Variants in GRIA3 observed in about 807,000 individuals in gnomAD.
GRIA3 encodes the protein glutamate receptor 3.
Under a neutral mutation model 63.0 loss-of-function variants are expected in GRIA3, and 3 were observed. That is an observed-to-expected ratio of 0.05 (90% CI 0.02 to 0.12). GRIA3 has a LOEUF of 0.12. Among genes scored for constraint, GRIA3 ranks in the 10% least tolerant of loss-of-function variants. The pLI, the probability that GRIA3 is intolerant of heterozygous loss-of-function variation, is 1.00. For synonymous variants in GRIA3, 274 were observed against 257.9 expected (o/e 1.06, Z -0.60); for missense variants, 347 against 700.9 (o/e 0.50, Z 5.70).
At chrX:123,479,053 G>A (rs939731925) in intron 13 of GRIA3, among the ~76,000 whole-genome samples, 3 of 113,077 alleles carry the variant, frequency 2.7e-5, no homozygotes, top group African/African-American at 9.6e-5. Flanking sequence ...CTTGCCCAGT[G>A]GCTCTGAATG....
intron 12 of GRIA3, among the ~76,000 whole-genome samples, chrX:123,449,039 A>G (rs1295592283): frequency 8.9e-6 from 1 of 112,079 alleles, no homozygotes; most frequent in East Asian, 2.8e-4. Flanking sequence ...CACAGTTAAT[A>G]AGTACCTAAA....
intron 4 of GRIA3, among the ~76,000 whole-genome samples, chrX:123,338,659 T>A (rs760949859): frequency 1.4e-3 from 152 of 111,986 alleles, no homozygotes; most frequent in Non-Finnish European, 2.5e-3. Context: ...CAAGCAATTC[T>A]CCTGCCTCAG....
chrX:123,362,867 C>T (rs1385422480), intron 5 of GRIA3, among the ~76,000 whole-genome samples: 1 of 112,553 alleles, frequency 8.9e-6, no homozygotes, highest in East Asian at 2.8e-4. Flanking sequence ...TGAGATGGCT[C>T]GCCATTGTAA....
chrX:123,377,556 GA>G (rs1175095247), intron 5 of GRIA3, among the ~76,000 whole-genome samples: 1 of 112,130 alleles, frequency 8.9e-6, no homozygotes, highest in African/African-American at 3.2e-5. Context: ...AGTATCTTTT[GA>G]GAGATTTGAG....
intron 2 of GRIA3, among the ~76,000 whole-genome samples, chrX:123,229,495 A>C (rs955918066): frequency 2.2e-4 from 25 of 112,064 alleles, no homozygotes; most frequent in African/African-American, 8.1e-4. Flanking sequence ...CATGTTAGGA[A>C]ATGCAATGTG....
At chrX:123,382,112 A>T (rs916418102) in intron 5 of GRIA3, among the ~76,000 whole-genome samples, 1 of 112,316 alleles carries the variant, frequency 8.9e-6, no homozygotes, top group African/African-American at 3.2e-5. Context: ...GAGAAGTAGG[A>T]CCAGGATCCA....
In GRIA3 at chrX:123,184,339, A is replaced by G; in HGVS notation, c.-197A>G. The G allele has an allele frequency of 2.2e-6, 1 of 460,121 alleles. No homozygotes were observed. The allele number at this position is 460,121 out of a possible 1,213,427, so 37.9% of individuals were successfully genotyped here. A position where few individuals can be genotyped will look rare whatever the true frequency, so the allele number is the denominator to read the frequency against. On this transcript the variant is annotated 5_prime_UTR_variant, in exon 1 of 16. Coordinates refer to ENST00000620443, the MANE Select transcript of GRIA3 (RefSeq NM_007325.5). ...GAATAAGAGAGAGAGTAAGAGGGAG[A>G]GAGAAGAAGAGGAAGAAGAGGAGGC... is the stretch of plus-strand genomic sequence containing the variant.
chrX:123,360,840 C>CTT (rs1231748400), intron 5 of GRIA3, among the ~76,000 whole-genome samples: 6 of 27,108 alleles, frequency 2.2e-4, no homozygotes, highest in Non-Finnish European at 3.5e-4. Context: ...CCTCCTCTCT[C>CTT]TCTCTCTCTC....
intron 11 of GRIA3, among the ~76,000 whole-genome samples, chrX:123,424,248 A>T (rs771080742): frequency 1.8e-5 from 2 of 112,090 alleles, no homozygotes; most frequent in Non-Finnish European, 3.8e-5. Flanking sequence ...CCTTTATAAA[A>T]TGTGATGGGA....
intron 2 of GRIA3, among the ~76,000 whole-genome samples, chrX:123,222,709 C>G (rs1254825339): frequency 8.9e-6 from 1 of 111,755 alleles, no homozygotes; most frequent in Non-Finnish European, 1.9e-5. Context: ...TAAAAACTCC[C>G]CAGTGAATCT....
intron 10 of GRIA3, among the ~76,000 whole-genome samples, chrX:123,414,997 A>G (rs993470344): frequency 1.8e-5 from 2 of 112,139 alleles, no homozygotes. Flanking sequence ...GAATTGCCAC[A>G]CTGTCTTCCA....
chrX:123,254,590 T>A (rs1165719284), intron 3 of GRIA3, among the ~76,000 whole-genome samples: 1 of 112,226 alleles, frequency 8.9e-6, no homozygotes, highest in Non-Finnish European at 1.9e-5. Flanking sequence ...TCTAAGTAAC[T>A]TAACTTGAAC....
At chrX:123,214,080 A>T (rs1248896856) in intron 2 of GRIA3, among the ~76,000 whole-genome samples, 2 of 112,498 alleles carry the variant, frequency 1.8e-5, no homozygotes, top group African/African-American at 6.5e-5. Flanking sequence ...CTGCATTTTA[A>T]TAAGTATCCC....
chrX:123,402,454 C>A (rs1156999381), intron 7 of GRIA3, among the ~76,000 whole-genome samples: 1 of 109,231 alleles, frequency 9.2e-6, no homozygotes, highest in Non-Finnish European at 1.9e-5. Context: ...AAGATAGATA[C>A]TACTAGGATT....
chrX:123,338,503 T>C (rs2044988090), intron 4 of GRIA3, among the ~76,000 whole-genome samples: 1 of 112,426 alleles, frequency 8.9e-6, no homozygotes, highest in Admixed American at 9.4e-5. Flanking sequence ...TTGTTACCCA[T>C]GTCAAGAATG....
At chrX:123,203,610 G>T (rs1337332092) in intron 2 of GRIA3, among the ~76,000 whole-genome samples, 1 of 111,637 alleles carries the variant, frequency 9.0e-6, no homozygotes, top group Admixed American at 9.5e-5. Context: ...TTCAAGTCTG[G>T]CCTCCACAGC....
chrX:123,415,553 G>T (rs2045532261), intron 10 of GRIA3, among the ~76,000 whole-genome samples: 1 of 111,645 alleles, frequency 9.0e-6, no homozygotes, highest in Non-Finnish European at 1.9e-5. Context: ...CTGCAGAGAG[G>T]ATAGGACTGA....
intron 4 of GRIA3, among the ~76,000 whole-genome samples, chrX:123,353,667 C>T (rs2045113722): frequency 9.0e-6 from 1 of 111,723 alleles, no homozygotes; most frequent in African/African-American, 3.3e-5. Context: ...AATGGCCCCT[C>T]ACTTGCATAG....
At chrX:123,324,293 A>G (rs748077891) in intron 3 of GRIA3, among the ~76,000 whole-genome samples, 3 of 112,388 alleles carry the variant, frequency 2.7e-5, no homozygotes, top group Admixed American at 9.4e-5. Flanking sequence ...CTTTAAATAT[A>G]TTAAAGACTC....
Sources: allele counts gnomAD v4.1 joint callset (sites outside exome capture counted in the v4.1 genomes callset), GRCh38; gene constraint gnomAD v4.1.1; transcripts MANE v1.5; gene names NCBI Gene and HGNC (gene_info 2026-07-23, HGNC 2026-07-21).